CDIN1: variants seen among roughly 807,000 people sequenced by gnomAD.
The protein encoded by CDIN1 is CDAN1 interacting nuclease 1, also known as CDAN1-interacting nuclease 1.
In CDIN1, 33 loss-of-function variants were observed where a neutral mutation model predicts 45.3. The observed-to-expected ratio is 0.73, with a 90% CI of 0.55 to 0.97. The LOEUF (loss-of-function observed/expected upper bound fraction) is 0.97, where lower values mean the gene tolerates loss of function less well. Among genes scored for constraint, CDIN1 ranks in the 50% least tolerant of loss-of-function variants. The pLI, the probability that CDIN1 is intolerant of heterozygous loss-of-function variation, is 0.00. For missense variants in CDIN1, 303 were observed against 339.4 expected, an observed-to-expected ratio of 0.89 and a Z score of 0.84; for synonymous variants, 118 against 124.4, an observed-to-expected ratio of 0.95 and a Z score of 0.34.
At chr15:36,738,429 T>A (rs1225714843) in intron 10 of CDIN1, among the ~76,000 whole-genome samples, 1 of 152,192 alleles carries the variant, frequency 6.6e-6, no homozygotes. Flanking sequence ...CTTCTTGCAG[T>A]GGTTCCCTAT....
At chr15:36,596,520 T>G (rs2140211954) in intron 1 of CDIN1, among the ~76,000 whole-genome samples, 1 of 152,270 alleles carries the variant, frequency 6.6e-6, no homozygotes, top group Non-Finnish European at 1.5e-5. Flanking sequence ...AGGTAGTAAT[T>G]TTTGCCTGGT....
At chr15:36,727,497 T>G (rs1214711755) in intron 10 of CDIN1, among the ~76,000 whole-genome samples, 1 of 152,212 alleles carries the variant, frequency 6.6e-6, no homozygotes, top group East Asian at 1.9e-4. Context: ...AAATGTTGTC[T>G]GGCCAAATGC....
intron 10 of CDIN1, among the ~76,000 whole-genome samples, chr15:36,776,815 T>A (rs574275775): frequency 2.6e-4 from 39 of 152,316 alleles, no homozygotes; most frequent in African/African-American, 8.9e-4. Context: ...CATAGTGATC[T>A]CTTTTTTTTC....
chr15:36,691,659 A>G (rs1455963176), intron 5 of CDIN1, 26 bp from the exon 6 acceptor site: 1 of 1,465,070 alleles, frequency 6.8e-7, no homozygotes, highest in Non-Finnish European at 9.5e-7. Flanking sequence ...ACTATCTGCT[A>G]ACAGTTCATC....
intron 1 of CDIN1, chr15:36,626,894 TC>T: frequency 4.8e-6 from 1 of 208,956 alleles, no homozygotes; most frequent in Non-Finnish European, 9.9e-6. Context: ...TGGCACCATG[TC>T]CCCAGGGATG....
rs367781107 is a variant in CDIN1, at chr15:36,722,635, A to G, written c.716+12674A>G. Among the ~76,000 whole-genome samples the G allele has an allele frequency of 5.9e-5, 9 of 152,210 alleles. No individual in the cohort carries two copies. In the East Asian group the frequency reaches 7.7e-4, roughly 13 times the overall value. On this transcript the variant is annotated intron_variant, in intron 10 of 10. Coordinates refer to ENST00000566621, the MANE Select transcript of CDIN1 (RefSeq NM_001321759.2). ...CTGCCTTTAAGGAGCATATGTTCCC[A>G]TTTCCAAGCATCTTCTGATGTTTTG...
chr15:36,695,897 A>G (rs1379488678), intron 7 of CDIN1, among the ~76,000 whole-genome samples: 1 of 151,930 alleles, frequency 6.6e-6, no homozygotes, highest in Non-Finnish European at 1.5e-5. Flanking sequence ...TGTGGCTATT[A>G]TAAGATGGTA....
chr15:36,661,316 G>A (rs1261726029), intron 5 of CDIN1, among the ~76,000 whole-genome samples: 1 of 152,112 alleles, frequency 6.6e-6, no homozygotes, highest in East Asian at 1.9e-4. Flanking sequence ...ATCAATCCAA[G>A]TGATTGAACC....
intron 1 of CDIN1, among the ~76,000 whole-genome samples, chr15:36,626,482 G>A (rs2039431241): frequency 1.3e-5 from 2 of 152,102 alleles, no homozygotes; most frequent in South Asian, 4.1e-4. Flanking sequence ...CCACCGTAGG[G>A]TATCCAAAGA....
chr15:36,709,740 A>G, intron 9 of CDIN1, 116 bp from the exon 10 acceptor site: 1 of 685,330 alleles, frequency 1.5e-6, no homozygotes, highest in Non-Finnish European at 2.6e-6. Flanking sequence ...TTTATAGATG[A>G]TGGTAAGGGC....
intron 1 of CDIN1, chr15:36,614,092 G>T (rs1438960567): frequency 8.4e-6 from 7 of 834,520 alleles, no homozygotes; most frequent in African/African-American, 1.7e-5. Context: ...CTGAGAGATC[G>T]GTAGCCAAGC....
chr15:36,727,338 T>TA lies in CDIN1; in HGVS notation c.716+17393dup, dbSNP rs200967467. 5.1e-3 allele frequency among the ~76,000 whole-genome samples: 711 copies of TA among 138,414 alleles called. 3 individuals carry two copies. Among genetic ancestry groups the TA allele is most frequent in the African/African-American group, 8.1e-3 (302 of 37,514 alleles). The allele number at this position is 138,414 out of a possible 152,430, so 90.8% of individuals were successfully genotyped here. A position where few individuals can be genotyped will look rare whatever the true frequency, so the allele number is the denominator to read the frequency against. The stretch of plus-strand genomic sequence containing the variant: ...TGTCAGAAAAGCTCATCTTTTTTCT[T>TA]AAAAAAAAAAAAAAAAGAAAAAAGT... On this transcript the variant is annotated intron_variant, in intron 10 of 10. Coordinates refer to ENST00000566621, the MANE Select transcript of CDIN1 (RefSeq NM_001321759.2).
At chr15:36,617,529 T>G in intron 1 of CDIN1, 1 of 825,696 alleles carries the variant, frequency 1.2e-6, no homozygotes, top group African/African-American at 1.7e-5. Context: ...CTCAAATGGA[T>G]AGTGATCAGT....
chr15:36,709,686 G>A (rs16963905), intron 9 of CDIN1, among the ~76,000 whole-genome samples, 170 bp from the exon 10 acceptor site: 16 of 152,026 alleles, frequency 1.1e-4, no homozygotes, highest in Non-Finnish European at 1.9e-4. Flanking sequence ...TCACATAAAT[G>A]TTCTTTGTAA....
intron 5 of CDIN1, among the ~76,000 whole-genome samples, chr15:36,665,142 CTGTT>C (rs1255803524): frequency 6.6e-6 from 1 of 152,116 alleles, no homozygotes; most frequent in Non-Finnish European, 1.5e-5. Context: ...TTTCTTGTAT[CTGTT>C]TGTAGACTTG....
rs183406400 is a variant in CDIN1, at chr15:36,622,762, A to C, written c.102-21516A>C. ...CCCAGGGTGAGGTCAAGTAGCTCTA[A>C]CAGGAACCAGGCAGAGCCTGGCCTT... is the stretch of plus-strand genomic sequence containing the variant. On this transcript the variant is annotated intron_variant, in intron 1 of 10. Transcript: ENST00000566621. Among the ~76,000 whole-genome samples, 420 of 152,324 alleles carry C rather than the reference A, an allele frequency of 2.8e-3. 1 individual carries two copies. Among genetic ancestry groups the C allele is most frequent in the African/African-American group, 9.5e-3 (396 of 41,596 alleles).
chr15:36,805,149 A>G (rs1224878580), intron 10 of CDIN1, among the ~76,000 whole-genome samples: 1 of 152,136 alleles, frequency 6.6e-6, no homozygotes, highest in African/African-American at 2.4e-5. Flanking sequence ...ACTTATTCAA[A>G]CGTCATTCAC....
intron 5 of CDIN1, among the ~76,000 whole-genome samples, chr15:36,679,671 T>C (rs1303034142): frequency 6.6e-6 from 1 of 152,216 alleles, no homozygotes; most frequent in African/African-American, 2.4e-5. Flanking sequence ...GTTATATGAC[T>C]TTCAAGTCTA....
intron 10 of CDIN1, among the ~76,000 whole-genome samples, chr15:36,771,831 GGCAGGA>G (rs2054085473): frequency 6.6e-6 from 1 of 152,042 alleles, no homozygotes; most frequent in Non-Finnish European, 1.5e-5. Context: ...AGGAGGCTGA[GGCAGGA>G]GAATTGCTTG....
Sources: gnomAD v4.1 joint callset for allele counts (sites outside exome capture counted in the v4.1 genomes callset) on GRCh38, gnomAD v4.1.1 for gene constraint, MANE v1.5 for transcripts, NCBI Gene and HGNC (gene_info 2026-07-23, HGNC 2026-07-21) for gene names.